Variants in PLXNC1 observed in about 807,000 individuals in gnomAD.
PLXNC1 encodes the protein plexin C1.
In PLXNC1, 75 loss-of-function variants were observed where a neutral mutation model predicts 178.2. The ratio of observed to expected loss-of-function variants is 0.42; its 90% CI spans 0.35 to 0.51. The LOEUF (loss-of-function observed/expected upper bound fraction) is 0.51, where lower values mean the gene tolerates loss of function less well. Ranked by LOEUF, PLXNC1 falls within the 20% of genes least tolerant of loss-of-function variation. The probability of loss-of-function intolerance (pLI) is 0.02; values close to 1 mark genes in which losing one functional copy is unlikely to be tolerated. For missense variants in PLXNC1, 1,503 were observed against 1,984.4 expected (o/e 0.76, Z 4.61); for synonymous variants, 790 against 779.9 (o/e 1.01, Z -0.22).
At chr12:94,223,272 C>G (rs1262868008) in intron 6 of PLXNC1, among the ~76,000 whole-genome samples, 1 of 152,146 alleles carries the variant, frequency 6.6e-6, no homozygotes, top group Non-Finnish European at 1.5e-5. Context: ...AATAAACAAA[C>G]AAATAAATAG....
In PLXNC1 at chr12:94,149,547, C is replaced by T. The variant is rs1330454125; in HGVS notation, c.576C>T (p.Ser192=). Residue 192 remains serine (S), a synonymous_variant, in exon 1 of 31, where the codon AGC becomes AGT. Coordinates refer to ENST00000258526, the MANE Select transcript of PLXNC1 (RefSeq NM_005761.3). ...TGCTGCCTGAGCCGGAGACGGCGAG[C>T]CGCTGCAACCCCGCGGCATCCGACC... ...TYVLPEPETA[S]RCNPAASDHD... 3 of 1,552,926 alleles carry T rather than the reference C, an allele frequency of 1.9e-6. No homozygotes were observed. Among genetic ancestry groups the T allele is most frequent in the African/African-American group, 1.4e-5 (1 of 73,518 alleles).
At chr12:94,152,419 A>T (rs1395491977) in intron 1 of PLXNC1, among the ~76,000 whole-genome samples, 1 of 152,228 alleles carries the variant, frequency 6.6e-6, no homozygotes, top group African/African-American at 2.4e-5. Flanking sequence ...TTTGCCACTG[A>T]AAGGACGATA....
chr12:94,161,347 A>T (rs1241284074), intron 1 of PLXNC1, among the ~76,000 whole-genome samples: 1 of 152,098 alleles, frequency 6.6e-6, no homozygotes, highest in African/African-American at 2.4e-5. Flanking sequence ...GGATGAGTGG[A>T]TGGGTGGGTG....
Position 94,226,713 on chromosome 12 carries a change from G to A in PLXNC1, c.1893+6G>A, listed in dbSNP as rs774190378. 2 of 1,600,032 alleles carry A rather than the reference G, an allele frequency of 1.2e-6. No individual in the cohort carries two copies. The highest frequency in any genetic ancestry group is 8.6e-7 in the Non-Finnish European group (1 of 1,167,400). ...CTGATTATGAGAGAAACCAGGTAAA[G>A]TGACATTTTTGGTATTGTAAGTCTT... On this transcript the variant is annotated splice_donor_region_variant and intron_variant, in intron 8 of 30. Coordinates refer to ENST00000258526, the MANE Select transcript of PLXNC1 (RefSeq NM_005761.3).
intron 4 of PLXNC1, among the ~76,000 whole-genome samples, chr12:94,201,635 T>TA (rs1422209718): frequency 6.6e-6 from 1 of 151,904 alleles, no homozygotes; most frequent in Admixed American, 6.6e-5. Flanking sequence ...CTTCCTTCAC[T>TA]AAGTTCTAGC....
intron 12 of PLXNC1, among the ~76,000 whole-genome samples, chr12:94,246,951 A>G (rs1248019936): frequency 6.6e-6 from 1 of 152,118 alleles, no homozygotes; most frequent in African/African-American, 2.4e-5. Context: ...TTTATGAGTT[A>G]TAATTGCTTT....
At chr12:94,202,925 T>C (rs187937241) in intron 4 of PLXNC1, among the ~76,000 whole-genome samples, 2 of 152,050 alleles carry the variant, frequency 1.3e-5, no homozygotes, top group East Asian at 3.9e-4. Flanking sequence ...GAGTCTGGTA[T>C]GGGAGAAAGG....
intron 5 of PLXNC1, among the ~76,000 whole-genome samples, chr12:94,210,346 A>G (rs547874858): frequency 6.6e-6 from 1 of 152,356 alleles, no homozygotes; most frequent in Non-Finnish European, 1.5e-5. Context: ...TTTCAAATGC[A>G]CACGCCAACC....
At chr12:94,266,983 C>T (rs1965279645) in intron 21 of PLXNC1, among the ~76,000 whole-genome samples, 1 of 152,208 alleles carries the variant, frequency 6.6e-6, no homozygotes, top group African/African-American at 2.4e-5. Flanking sequence ...TTCCAGATAT[C>T]TCTGATGTGT....
rs568086285 is a variant in PLXNC1, at chr12:94,275,432, C to T, written c.3598-4040C>T. On this transcript the variant is annotated intron_variant, in intron 21 of 30. Coordinates refer to ENST00000258526, the MANE Select transcript of PLXNC1 (RefSeq NM_005761.3). ...GCTGAGGGCAGACGCTGTGATGTCA[C>T]GCTGTCTGACATGGCACAGGCATCT... Among the ~76,000 whole-genome samples the T allele has an allele frequency of 2.0e-5, 3 of 152,292 alleles. No individual in the cohort carries two copies. The South Asian group carries it at 6.2e-4, about 32-fold the overall frequency.
intron 2 of PLXNC1, among the ~76,000 whole-genome samples, chr12:94,177,137 A>ATATGTGTG (rs201041826): frequency 1.5e-5 from 1 of 67,422 alleles, no homozygotes; most frequent in Admixed American, 1.5e-4. Context: ...GTGTATATAT[A>ATATGTGTG]TGTGTGTGTG....
intron 14 of PLXNC1, among the ~76,000 whole-genome samples, chr12:94,249,954 G>C (rs1304726609): frequency 7.5e-6 from 1 of 132,476 alleles, no homozygotes; most frequent in Non-Finnish European, 1.7e-5. Context: ...GGTGGGAACA[G>C]GAGCAGGTAG....
chr12:94,237,873 G>A (rs189574908), intron 10 of PLXNC1, 70 bp downstream of exon 10: 652 of 1,516,952 alleles, frequency 4.3e-4, no homozygotes, highest in East Asian at 2.1e-3. Context: ...GAATATCAGT[G>A]TGATTATAAC....
intron 4 of PLXNC1, among the ~76,000 whole-genome samples, chr12:94,199,941 C>T (rs983570954): frequency 2.6e-5 from 4 of 152,162 alleles, no homozygotes; most frequent in African/African-American, 7.2e-5. Context: ...ACTACAGGCG[C>T]GTGCCACCAT....
chr12:94,279,299 C>T (rs1966245707), intron 21 of PLXNC1, among the ~76,000 whole-genome samples, 173 bp from the exon 22 acceptor site: 6 of 152,244 alleles, frequency 3.9e-5, no homozygotes, highest in Admixed American at 3.3e-4. Flanking sequence ...CTTCCATTAT[C>T]CCTGAAAAGA....
At chr12:94,279,730 C>T (rs1446872411) in intron 22 of PLXNC1, 81 bp downstream of exon 22, 1 of 1,205,120 alleles carries the variant, frequency 8.3e-7, no homozygotes, top group Non-Finnish European at 1.2e-6. Flanking sequence ...GTCCCCCCTC[C>T]CTGCCCCCAC....
At chr12:94,224,774 G>T (rs528841570) in intron 7 of PLXNC1, among the ~76,000 whole-genome samples, 8 of 152,180 alleles carry the variant, frequency 5.3e-5, no homozygotes, top group Non-Finnish European at 1.0e-4. Context: ...AAGCATGGTG[G>T]TATGTGCCTG....
chr12:94,304,445 CAT>C, intron 30 of PLXNC1: 1 of 161,414 alleles, frequency 6.2e-6, no homozygotes, highest in Middle Eastern at 2.9e-3. Context: ...GAAATTATGA[CAT>C]ATTTCTAACT....
At chr12:94,294,446 A>T (rs775366092) in intron 23 of PLXNC1, 40 bp from the exon 24 acceptor site, 17 of 882,506 alleles carry the variant, frequency 1.9e-5, no homozygotes, top group African/African-American at 3.3e-5. Flanking sequence ...GAAATCCATT[A>T]AATTTTGAAC....
Sources: allele counts gnomAD v4.1 joint callset (sites outside exome capture counted in the v4.1 genomes callset), GRCh38; gene constraint gnomAD v4.1.1; transcripts MANE v1.5; gene names NCBI Gene and HGNC (gene_info 2026-07-23, HGNC 2026-07-21).